The following CACNG3 variants were observed in gnomAD, a reference collection of about 807,000 sequenced individuals.
CACNG3 encodes the protein voltage-dependent calcium channel gamma-3 subunit.
CACNG3 carries 3 observed loss-of-function variants against 28.5 expected under a neutral mutation model. That is an observed-to-expected ratio of 0.11 (90% CI 0.05 to 0.27). The LOEUF is 0.27. CACNG3 is among the 10% of genes least tolerant of loss of function. CACNG3 has a pLI of 1.00. For missense variants in CACNG3, 236 were observed against 414.4 expected (o/e 0.57, Z 3.74); for synonymous variants, 174 against 162.2 (o/e 1.07, Z -0.55).
intron 1 of CACNG3, among the ~76,000 whole-genome samples, chr16:24,309,038 A>ATT (rs1899225998): frequency 1.3e-5 from 2 of 152,238 alleles, no homozygotes; most frequent in South Asian, 4.1e-4. Flanking sequence ...GTGGAAACTA[A>ATT]GACACAGATG....
At chr16:24,347,865 C>A (rs1333270625) in intron 2 of CACNG3, among the ~76,000 whole-genome samples, 1 of 152,184 alleles carries the variant, frequency 6.6e-6, no homozygotes, top group Non-Finnish European at 1.5e-5. Flanking sequence ...CTAGTTCCTA[C>A]CTTTCTTCAT....
rs369452275 is a variant in CACNG3, at chr16:24,318,488, G to A, written c.212-28246G>A. Among the ~76,000 whole-genome samples the A allele has an allele frequency of 5.1e-4, 78 of 152,214 alleles. No homozygotes were observed. The South Asian group carries it at 7.7e-3, about 15-fold the overall frequency. On this transcript the variant is annotated intron_variant, in intron 1 of 3. Coordinates refer to ENST00000005284, the MANE Select transcript of CACNG3 (RefSeq NM_006539.4). ...ATTACAGGCATGAATTACCGCACCC[G>A]GCCTGTATATCCTTTTTCGAATGAA...
chr16:24,319,229 G>A (rs1351897234), intron 1 of CACNG3, among the ~76,000 whole-genome samples: 2 of 152,198 alleles, frequency 1.3e-5, no homozygotes, highest in Non-Finnish European at 2.9e-5. Context: ...GGGAATACAG[G>A]TGCCATAGTG....
intron 1 of CACNG3, among the ~76,000 whole-genome samples, chr16:24,346,527 A>G (rs1179574381): frequency 6.6e-6 from 1 of 152,190 alleles, no homozygotes; most frequent in Non-Finnish European, 1.5e-5. Context: ...GCAGTGAGCC[A>G]TGATTGCACC....
intron 1 of CACNG3, among the ~76,000 whole-genome samples, chr16:24,285,074 A>G (rs1235488220): frequency 8.6e-5 from 13 of 151,832 alleles, no homozygotes; most frequent in Admixed American, 7.9e-4. Context: ...CACTATGCTC[A>G]ATGAAAAACC....
Position 24,339,574 on chromosome 16 carries a change from C to T in CACNG3, c.212-7160C>T, listed in dbSNP as rs1423005678. Reference sequence around the variant, plus strand: ...CTAATTTTTGTATTTTTAGTAAAGACGGGGTTTCACCATGCTGGCCAGGCT... The same window carrying T: ...CTAATTTTTGTATTTTTAGTAAAGATGGGGTTTCACCATGCTGGCCAGGCT... On this transcript the variant is annotated intron_variant, in intron 1 of 3. Coordinates refer to ENST00000005284, the MANE Select transcript of CACNG3 (RefSeq NM_006539.4). 4.6e-5 allele frequency among the ~76,000 whole-genome samples: 7 copies of T among 152,150 alleles called. No individual in the cohort carries two copies. In the South Asian group the frequency reaches 1.0e-3, roughly 23 times the overall value.
intron 1 of CACNG3, among the ~76,000 whole-genome samples, chr16:24,317,622 GAAAGACAGACAGAAAGAAAGAAAAGAAAA>G (rs1899382721): frequency 3.5e-5 from 2 of 57,926 alleles, no homozygotes; most frequent in African/African-American, 1.4e-4. Context: ...AAGAAAGAAA[GAAAGACAGACAGAAAGAAAGAAAAGAAAA>G]GAAAGAAAGA....
At chr16:24,331,253 C>G (rs62026761) in intron 1 of CACNG3, among the ~76,000 whole-genome samples, 2 of 152,178 alleles carry the variant, frequency 1.3e-5, no homozygotes, top group South Asian at 2.1e-4. Flanking sequence ...ACAGTTCACT[C>G]TAAACCTCCC....
intron 1 of CACNG3, among the ~76,000 whole-genome samples, chr16:24,317,080 C>T (rs957590511): frequency 1.3e-5 from 2 of 152,148 alleles, no homozygotes; most frequent in Admixed American, 1.3e-4. Flanking sequence ...AGTGACCCTC[C>T]AGGCTACATA....
rs1214724437 is a variant in CACNG3, at chr16:24,265,430, G to A, written c.211+8465G>A. 1.5e-4 allele frequency among the ~76,000 whole-genome samples: 4 copies of A among 26,140 alleles called. No homozygotes were observed. In the East Asian group the frequency reaches 4.3e-3, roughly 28 times the overall value. The allele number at this position is 26,140 out of a possible 152,430, so 17.1% of individuals were successfully genotyped here. On this transcript the variant is annotated intron_variant, in intron 1 of 3. Transcript: ENST00000005284. ...AAAGAAAGAAGAAAGAAGGAAGGAA[G>A]GAGAGAGAGAGAAAGAAAAAGAAAG...
At chr16:24,342,511 G>A (rs1451772889) in intron 1 of CACNG3, among the ~76,000 whole-genome samples, 1 of 152,018 alleles carries the variant, frequency 6.6e-6, no homozygotes, top group Non-Finnish European at 1.5e-5. Flanking sequence ...TGCCTTCTTG[G>A]GACAGAAATC....
chr16:24,279,326 C>T (rs1019180879), intron 1 of CACNG3, among the ~76,000 whole-genome samples: 1 of 152,164 alleles, frequency 6.6e-6, no homozygotes, highest in Admixed American at 6.6e-5. Flanking sequence ...CAGGGTCTCA[C>T]TCTGTTGGCC....
chr16:24,276,015 A>G (rs1898749200), intron 1 of CACNG3, among the ~76,000 whole-genome samples: 1 of 152,344 alleles, frequency 6.6e-6, no homozygotes, highest in African/African-American at 2.4e-5. Flanking sequence ...TGTAGTATCA[A>G]AGAATATTCA....
intron 1 of CACNG3, among the ~76,000 whole-genome samples, chr16:24,285,435 C>G (rs1898880184): frequency 6.6e-6 from 1 of 152,196 alleles, no homozygotes; most frequent in South Asian, 2.1e-4. Context: ...AACTCATCCC[C>G]TTCCAAAGTA....
intron 2 of CACNG3, among the ~76,000 whole-genome samples, chr16:24,351,172 G>T (rs544631673): frequency 1.4e-4 from 22 of 152,296 alleles, no homozygotes; most frequent in African/African-American, 3.8e-4. Context: ...GAGGGGCAAG[G>T]AAGAGGATTT....
intron 1 of CACNG3, among the ~76,000 whole-genome samples, chr16:24,338,729 C>T (rs964805749): frequency 2.6e-5 from 4 of 152,078 alleles, no homozygotes; most frequent in Admixed American, 6.6e-5. Flanking sequence ...GGATCAAGAC[C>T]GTCTCTGTCT....
intron 1 of CACNG3, among the ~76,000 whole-genome samples, chr16:24,269,807 G>GAGAA (rs949239671): frequency 1.4e-5 from 2 of 140,654 alleles, no homozygotes; most frequent in Admixed American, 7.0e-5. Flanking sequence ...AAGAAAGAAA[G>GAGAA]AGAAAGAAAG....
chr16:24,315,249 T>C (rs145061475), intron 1 of CACNG3, among the ~76,000 whole-genome samples: 14 of 152,250 alleles, frequency 9.2e-5, no homozygotes, highest in African/African-American at 3.4e-4. Context: ...TCACCAAAGT[T>C]TACCCATCTC....
intron 1 of CACNG3, among the ~76,000 whole-genome samples, chr16:24,310,033 G>A (rs2141364071): frequency 6.6e-6 from 1 of 152,316 alleles, no homozygotes; most frequent in East Asian, 1.9e-4. Context: ...GTCACTATGA[G>A]AAAGAAATGA....
Sources: gnomAD v4.1 joint callset for allele counts (sites outside exome capture counted in the v4.1 genomes callset) on GRCh38, gnomAD v4.1.1 for gene constraint, MANE v1.5 for transcripts, NCBI Gene and HGNC (gene_info 2026-07-23, HGNC 2026-07-21) for gene names.